The following MPDZ variants were observed in gnomAD, a reference collection of about 807,000 sequenced individuals.
MPDZ encodes multiple PDZ domain crumbs cell polarity complex component, also known as multiple PDZ domain protein.
MPDZ carries 234 observed loss-of-function variants against 239.1 expected under a neutral mutation model. That is an observed-to-expected ratio of 0.98 (90% CI 0.88 to 1.09). The LOEUF (loss-of-function observed/expected upper bound fraction) is 1.09, where lower values mean the gene tolerates loss of function less well. Ranked by LOEUF, MPDZ falls within the 50% of genes least tolerant of loss-of-function variation. The pLI is 0.00. For missense variants in MPDZ, 3,175 were observed against 2,510.0 expected (o/e 1.26, Z -5.66); for synonymous variants, 1,048 against 881.3 (o/e 1.19, Z -3.35).
intron 7 of MPDZ, among the ~76,000 whole-genome samples, chr9:13,220,207 G>A (rs772864690): frequency 1.3e-5 from 2 of 151,844 alleles, no homozygotes; most frequent in African/African-American, 2.4e-5. Context: ...TTTCTGCCTG[G>A]CTATTTCTAT....
At chr9:13,239,273 G>C (rs904505387) in intron 3 of MPDZ, among the ~76,000 whole-genome samples, 1 of 152,054 alleles carries the variant, frequency 6.6e-6, no homozygotes, top group African/African-American at 2.4e-5. Context: ...TGTGTAAGAA[G>C]AAAATAAAAC....
Position 13,222,788 on chromosome 9 carries a change from A to T in MPDZ, c.534-342T>A, listed in dbSNP as rs573096307. On this transcript the variant is annotated intron_variant, in intron 5 of 46. Coordinates refer to ENST00000319217, the MANE Select transcript of MPDZ (RefSeq NM_001378778.1). ...GGCCTTGTGTATCCATGGGTTCCAC[A>T]TCCATAGATTAGATCCCCAACTGGG... 2.3e-4 allele frequency among the ~76,000 whole-genome samples: 35 copies of T among 151,974 alleles called. No homozygotes were observed. The South Asian group carries it at 3.7e-3, about 16-fold the overall frequency.
Position 13,167,775 on chromosome 9 carries a change from T to C in MPDZ, c.3254+591A>G, listed in dbSNP as rs1951259529. 1.3e-5 allele frequency among the ~76,000 whole-genome samples: 2 copies of C among 152,158 alleles called. 1 individual carries two copies. The highest frequency in any genetic ancestry group is 4.1e-4 in the South Asian group (2 of 4,832). The stretch of plus-strand genomic sequence containing the variant: ...CTTAAAAAACAAACCACATATATGA[T>C]GTGCTTTTAGTACATTATGGGGTTA... On this transcript the variant is annotated intron_variant, in intron 22 of 46. Coordinates refer to ENST00000319217, the MANE Select transcript of MPDZ (RefSeq NM_001378778.1).
At chr9:13,277,178 A>G (rs1974413851) in intron 1 of MPDZ, among the ~76,000 whole-genome samples, 2 of 152,194 alleles carry the variant, frequency 1.3e-5, no homozygotes, top group South Asian at 4.1e-4. Context: ...GAAGCACACT[A>G]AAAATTGACT....
At chr9:13,150,356 T>C (rs970636666) in intron 25 of MPDZ, among the ~76,000 whole-genome samples, 155 bp downstream of exon 25, 2 of 151,978 alleles carry the variant, frequency 1.3e-5, no homozygotes, top group Non-Finnish European at 2.9e-5. Context: ...GTAACTAGTA[T>C]GAAGATGACA....
chr9:13,126,748 T>G lies in MPDZ; in HGVS notation c.4489A>C (p.Ile1497Leu). Residue 1497 changes from isoleucine to leucine, a missense_variant, in exon 33 of 47, where the codon ATC (isoleucine) becomes CTC (leucine). Ile to Leu is a conservative substitution (Grantham distance 5). Coordinates refer to ENST00000319217, the MANE Select transcript of MPDZ (RefSeq NM_001378778.1). ...CCACTGAGTGTATCTTCTTCGCTGA[T>G]AGCAATACCCAAACCCCCCTGATCC... ...PKDQGGLGIAISEEDTLSGVI... is the reference protein window; with the variant it reads ...PKDQGGLGIALSEEDTLSGVI... 1.2e-6 allele frequency: 2 copies of G among 1,613,916 alleles called. No homozygotes were observed. The highest frequency in any genetic ancestry group is 1.7e-5 in the Admixed American group (1 of 60,016).
In MPDZ at chr9:13,193,160, T is replaced by G. The variant is rs373478375; in HGVS notation, c.1803+7A>C. 5.5e-5 allele frequency: 86 copies of G among 1,561,890 alleles called. No homozygotes were observed. The highest frequency in any genetic ancestry group is 7.0e-5 in the Non-Finnish European group (80 of 1,148,990). On this transcript the variant is annotated splice_region_variant and intron_variant, in intron 14 of 46. Transcript: ENST00000319217. ...TAAGGAGGAGAAGGAACAGCATAGC[T>G]CCTTACTTCCAATAGCTCGTCTCCA...
At chr9:13,275,898 GA>G (rs1434302371) in intron 1 of MPDZ, among the ~76,000 whole-genome samples, 2 of 151,990 alleles carry the variant, frequency 1.3e-5, no homozygotes, top group Admixed American at 1.3e-4. Flanking sequence ...ATTTTCAAGG[GA>G]AAACCACTGA....
intron 13 of MPDZ, among the ~76,000 whole-genome samples, chr9:13,195,355 T>C (rs1955511534): frequency 6.6e-6 from 1 of 152,044 alleles, no homozygotes; most frequent in Admixed American, 6.6e-5. Flanking sequence ...CTAAGAACAC[T>C]ACTGCTTGGC....
At chr9:13,128,871 T>C (rs1945499580) in intron 32 of MPDZ, among the ~76,000 whole-genome samples, 1 of 152,080 alleles carries the variant, frequency 6.6e-6, no homozygotes, top group African/African-American at 2.4e-5. Context: ...AGACAAGCCT[T>C]GGGATAAAGC....
rs889058919 is a variant in MPDZ, at chr9:13,108,854, G to C, written c.6066+82C>G. 4.5e-5 allele frequency: 65 copies of C among 1,429,800 alleles called. No individual in the cohort carries two copies. In the South Asian group the frequency reaches 4.8e-4, roughly 10 times the overall value. 88.6% of individuals were successfully genotyped at this position (1,429,800 alleles called of 1,614,324 possible). On this transcript the variant is annotated intron_variant, in intron 46 of 46. Coordinates refer to ENST00000319217, the MANE Select transcript of MPDZ (RefSeq NM_001378778.1). ...TGTTAACCATTTGGCATTACCTCAG[G>C]CCATAAACTAATAAGCCAGCTGCTG...
rs780845139 is a variant in MPDZ, at chr9:13,107,072, G to C, written c.6106C>G (p.Gln2036Glu). ...CTCTGCCCATTGACAGCAATGATCT[G>C]ATCGCCCCTTTTCAGACGTCCGTCT... ...SEDGRLKRGD[Q>E]IIAVNGQSLE... is the part of the protein sequence containing the mutation. The change falls in exon 47 of 47, where the codon CAG becomes GAG. Residue 2036 changes from glutamine (Q) to glutamate (E), a missense_variant. Coordinates refer to ENST00000319217, the MANE Select transcript of MPDZ (RefSeq NM_001378778.1). 6.3e-7 allele frequency: 1 copy of C among 1,594,448 alleles called. No homozygotes were observed. The highest frequency in any genetic ancestry group is 8.6e-7 in the Non-Finnish European group (1 of 1,165,078).
At chr9:13,196,310 G>A in intron 12 of MPDZ, 80 bp from the exon 13 acceptor site, 1 of 937,226 alleles carries the variant, frequency 1.1e-6, no homozygotes, top group Non-Finnish European at 1.7e-6. Context: ...AGGATTCTCT[G>A]ATCAGAACCC....
Position 13,279,622 on chromosome 9 carries a change from C to A in MPDZ, c.-280G>T, listed in dbSNP as rs1235418719. 6.7e-6 allele frequency: 1 copy of A among 149,972 alleles called. No homozygotes were observed. The highest frequency in any genetic ancestry group is 1.5e-5 in the Non-Finnish European group (1 of 67,378). The allele number at this position is 149,972 out of a possible 1,614,324, so 9.3% of individuals were successfully genotyped here. ...GACGCCAGCCTAGCGCTCCGCCGCG[C>A]CCCCTCCCCCAGCGCGCGCCGCACT... On this transcript the variant is annotated 5_prime_UTR_variant, in exon 1 of 47. Coordinates refer to ENST00000319217, the MANE Select transcript of MPDZ (RefSeq NM_001378778.1).
intron 12 of MPDZ, among the ~76,000 whole-genome samples, chr9:13,202,103 G>T (rs77838247): frequency 1.3e-5 from 2 of 152,100 alleles, no homozygotes; most frequent in Non-Finnish European, 2.9e-5. Flanking sequence ...GTGCTCTTTG[G>T]TGGTGTTAGA....
chr9:13,185,675 A>G (rs1953996836), intron 18 of MPDZ, among the ~76,000 whole-genome samples: 1 of 152,134 alleles, frequency 6.6e-6, no homozygotes, highest in Non-Finnish European at 1.5e-5. Flanking sequence ...AAGTTTCTTA[A>G]GGGCAGAGTG....
intron 42 of MPDZ, 50 bp downstream of exon 42, chr9:13,112,961 G>C: frequency 2.0e-6 from 3 of 1,481,742 alleles, no homozygotes; most frequent in Non-Finnish European, 2.8e-6. Context: ...CACATATGAA[G>C]ATGTCTCTTA....
chr9:13,248,437 TTGAG>T (rs1406447533), intron 2 of MPDZ, among the ~76,000 whole-genome samples: 1 of 152,088 alleles, frequency 6.6e-6, no homozygotes, highest in African/African-American at 2.4e-5. Flanking sequence ...AGTAAATATA[TTGAG>T]TAACTATGTC....
At chr9:13,151,355 T>C (rs1442494613) in intron 24 of MPDZ, among the ~76,000 whole-genome samples, 1 of 152,146 alleles carries the variant, frequency 6.6e-6, no homozygotes, top group Non-Finnish European at 1.5e-5. Context: ...GAAATATTTA[T>C]ACACCCATGT....
Sources: gnomAD v4.1 joint callset for allele counts (sites outside exome capture counted in the v4.1 genomes callset) on GRCh38, gnomAD v4.1.1 for gene constraint, MANE v1.5 for transcripts, NCBI Gene and HGNC (gene_info 2026-07-23, HGNC 2026-07-21) for gene names.